The following LARGE1 variants were observed in gnomAD, a reference collection of about 807,000 sequenced individuals.
The protein encoded by LARGE1 is LARGE xylosyl- and glucuronyltransferase 1.
Under a neutral mutation model 87.6 loss-of-function variants are expected in LARGE1, and 43 were observed. The observed-to-expected ratio is 0.49, with a 90% CI of 0.38 to 0.63. The LOEUF (loss-of-function observed/expected upper bound fraction) is 0.63. LARGE1 is among the 30% of genes least tolerant of loss of function. The pLI is 0.00. For missense variants in LARGE1, 802 were observed against 1,000.2 expected (o/e 0.80, Z 2.67); for synonymous variants, 434 against 394.6 (o/e 1.10, Z -1.18).
intron 11 of LARGE1, among the ~76,000 whole-genome samples, chr22:33,202,087 G>C (rs1016244682): frequency 2.0e-4 from 30 of 149,500 alleles, no homozygotes; most frequent in African/African-American, 7.4e-4. Context: ...AGTGAGCTGA[G>C]ATCACATCAC....
At chr22:33,792,043 C>T (rs978544848) in intron 1 of LARGE1, among the ~76,000 whole-genome samples, 1 of 152,172 alleles carries the variant, frequency 6.6e-6, no homozygotes, top group Non-Finnish European at 1.5e-5. Context: ...AATGCAGAGC[C>T]TCAGAGTCCA....
In LARGE1 at chr22:33,658,267, A is replaced by C. The variant is rs578034853; in HGVS notation, c.107-7599T>G. ...CATCTCTGGAGGTGGGGGTCTAGTT[A>C]TCAGCATTTAAAAAAAAATTTTAAT... On this transcript the variant is annotated intron_variant, in intron 2 of 14. Transcript: ENST00000397394. 8.1e-4 allele frequency among the ~76,000 whole-genome samples: 123 copies of C among 152,298 alleles called. No individual in the cohort carries two copies. In the South Asian group the frequency reaches 0.025, roughly 31 times the overall value.
chr22:33,442,860 T>G (rs1024490591), intron 6 of LARGE1, among the ~76,000 whole-genome samples: 1 of 151,270 alleles, frequency 6.6e-6, no homozygotes, highest in African/African-American at 2.4e-5. Context: ...TGGCACTATC[T>G]CCGCTCACTG....
intron 11 of LARGE1, among the ~76,000 whole-genome samples, chr22:33,263,048 A>G (rs1201923258): frequency 6.6e-6 from 1 of 151,876 alleles, no homozygotes; most frequent in African/African-American, 2.4e-5. Flanking sequence ...ACGCACCACC[A>G]TGCCCAGCTA....
intron 12 of LARGE1, among the ~76,000 whole-genome samples, chr22:33,288,021 G>A (rs910812721): frequency 6.6e-6 from 1 of 152,126 alleles, no homozygotes; most frequent in Non-Finnish European, 1.5e-5. Flanking sequence ...CAGTGCTTGT[G>A]GAAGGGCTTG....
intron 9 of LARGE1, among the ~76,000 whole-genome samples, chr22:33,348,579 G>C (rs933733467): frequency 6.6e-6 from 1 of 152,098 alleles, no homozygotes; most frequent in Admixed American, 6.5e-5. Context: ...TGTTTGTGAG[G>C]GTGTTTGCAA....
At chr22:33,304,071 G>T (rs76896640) in intron 12 of LARGE1, among the ~76,000 whole-genome samples, 158 bp downstream of exon 12, 262 of 152,368 alleles carry the variant, frequency 1.7e-3, no homozygotes, top group Non-Finnish European at 3.3e-3. Flanking sequence ...ATTGCTGGGT[G>T]GCTGTGGGCA....
chr22:33,198,676 C>CACACACACACATAT lies in LARGE1; in HGVS notation c.1731-31845_1731-31844insATATGTGTGTGTGT, dbSNP rs60375534. On this transcript the variant is annotated intron_variant, in intron 11 of 11. Coordinates refer to the LARGE1 transcript ENST00000608642. ...ACACACACACACACACACACACACACGTATCTAAAATACTATACTACATGG... is the reference window on the plus strand; with the variant it reads ...ACACACACACACACACACACACACACACACACACACATATGTATCTAAAATACTATACTACATGG... Among the ~76,000 whole-genome samples the CACACACACACATAT allele has an allele frequency of 7.8e-3, 1,165 of 148,550 alleles. 13 individuals are homozygous for CACACACACACATAT. Among genetic ancestry groups the CACACACACACATAT allele is most frequent in the Middle Eastern group, 0.018 (5 of 280 alleles).
chr22:33,636,514 A>C (rs1425822519), intron 3 of LARGE1, among the ~76,000 whole-genome samples: 1 of 152,170 alleles, frequency 6.6e-6, no homozygotes, highest in Non-Finnish European at 1.5e-5. Flanking sequence ...TTCCTCATCT[A>C]TAAAGAGGAG....
downstream of LARGE1, among the ~76,000 whole-genome samples, chr22:33,157,438 G>A (rs1921907635): frequency 6.6e-6 from 1 of 152,088 alleles, no homozygotes; most frequent in Non-Finnish European, 1.5e-5. Context: ...TTACAATGTT[G>A]CACATGGCCT....
At chr22:33,906,689 C>T (rs888737657) in intron 1 of LARGE1, among the ~76,000 whole-genome samples, 2 of 152,136 alleles carry the variant, frequency 1.3e-5, no homozygotes, top group Admixed American at 1.3e-4. Context: ...ACAGAAAACT[C>T]CTGAAAAACT....
In LARGE1 at chr22:33,376,469, G is replaced by A. The variant is rs147542393; in HGVS notation, c.1131+5450C>T. On this transcript the variant is annotated intron_variant, in intron 9 of 14. Transcript: ENST00000397394. ...CGTGCCTGATGTCTGGGCCACACAA[G>A]GTTCACCAAACTGTCCCATGCCATC... Among the ~76,000 whole-genome samples, 840 of 152,260 alleles carry A rather than the reference G, an allele frequency of 5.5e-3. 7 individuals carry two copies. The highest frequency in any genetic ancestry group is 0.019 in the African/African-American group (788 of 41,546).
intron 12 of LARGE1, among the ~76,000 whole-genome samples, chr22:33,295,621 T>C (rs1269691810): frequency 6.6e-6 from 1 of 152,222 alleles, no homozygotes; most frequent in Non-Finnish European, 1.5e-5. Flanking sequence ...CCTGTCCTCC[T>C]CTTGTCTCAT....
chr22:33,761,552 ATACTCTCTG>A lies in LARGE1; in HGVS notation c.-82-3_-77del, dbSNP rs1398529169. The stretch of plus-strand genomic sequence containing the variant: ...CATGAAGTCCTCGGCCTCCCTCATA[ATACTCTCTG>A]AAAGGAAGAGCAAAGAGGAAGGCCT... On this transcript the variant is annotated splice_acceptor_variant and splice_polypyrimidine_tract_variant and 5_prime_UTR_variant and intron_variant, in exon 2 of 15. Transcript: ENST00000397394. LOFTEE classifies it low-confidence loss of function (5UTR_SPLICE). The A allele has an allele frequency of 3.8e-5, 43 of 1,132,478 alleles. No homozygotes were observed. The highest frequency in any genetic ancestry group is 4.4e-5 in the Non-Finnish European group (33 of 746,722). 70.2% of individuals were successfully genotyped at this position (1,132,478 alleles called of 1,614,324 possible). A position where few individuals can be genotyped will look rare whatever the true frequency, so the allele number is the denominator to read the frequency against.
intron 6 of LARGE1, among the ~76,000 whole-genome samples, chr22:33,550,404 G>A (rs1000954372): frequency 1.2e-4 from 18 of 152,268 alleles, no homozygotes; most frequent in African/African-American, 3.4e-4. Flanking sequence ...ATATTTTTGC[G>A]TGTCATAGCT....
intron 1 of LARGE1, among the ~76,000 whole-genome samples, chr22:33,777,703 G>T (rs541990048): frequency 1.4e-5 from 2 of 145,846 alleles, no homozygotes; most frequent in Non-Finnish European, 3.0e-5. Context: ...GGAAGGCAGG[G>T]GAAGGGAAGG....
Position 33,626,228 on chromosome 22 carries a change from C to A in LARGE1, c.491+16G>T, listed in dbSNP as rs771359092. 1 of 1,611,516 alleles carries A rather than the reference C, an allele frequency of 6.2e-7. No individual in the cohort carries two copies. The highest frequency in any genetic ancestry group is 8.5e-7 in the Non-Finnish European group (1 of 1,177,636). ...GTGACAGACCTCAGCCCACACAGCA[C>A]AGAAGTTGTTCTTACCTATGGAACA... On this transcript the variant is annotated intron_variant, in intron 4 of 14. Transcript: ENST00000397394.
intron 2 of LARGE1, among the ~76,000 whole-genome samples, chr22:33,667,704 G>A (rs1278869029): frequency 6.6e-6 from 1 of 152,140 alleles, no homozygotes; most frequent in East Asian, 1.9e-4. Context: ...CTGTTAAATG[G>A]GGGTAAAAAC....
At chr22:33,814,471 T>C (rs891467818) in intron 1 of LARGE1, among the ~76,000 whole-genome samples, 5 of 152,184 alleles carry the variant, frequency 3.3e-5, no homozygotes, top group Non-Finnish European at 5.9e-5. Flanking sequence ...AGTTATTTTG[T>C]AGATGTGGTT....
Sources: gnomAD v4.1 joint callset for allele counts (sites outside exome capture counted in the v4.1 genomes callset) on GRCh38, gnomAD v4.1.1 for gene constraint, MANE v1.5 for transcripts, NCBI Gene and HGNC (gene_info 2026-07-23, HGNC 2026-07-21) for gene names.